Variants in ZBTB20 observed in about 807,000 individuals in gnomAD.
ZBTB20 encodes zinc finger and BTB domain containing 20, also known as zinc finger and BTB domain-containing protein 20.
In ZBTB20, 9 loss-of-function variants were observed where a neutral mutation model predicts 56.9. The observed-to-expected ratio is 0.16, with a 90% confidence interval of 0.10 to 0.28. The LOEUF (loss-of-function observed/expected upper bound fraction) is 0.28, where lower values mean the gene tolerates loss of function less well. Among genes scored for constraint, ZBTB20 ranks in the 10% least tolerant of loss-of-function variants. The pLI is 1.00. For missense variants in ZBTB20, 655 were observed against 1,003.0 expected (o/e 0.65, Z 4.69); for synonymous variants, 417 against 420.7 (o/e 0.99, Z 0.11).
At chr3:114,918,349 T>G (rs2075827776) in intron 3 of ZBTB20, among the ~76,000 whole-genome samples, 1 of 152,082 alleles carries the variant, frequency 6.6e-6, no homozygotes, top group Non-Finnish European at 1.5e-5. Context: ...CTTCCTGCTC[T>G]ACAACACTAT....
intron 6 of ZBTB20, among the ~76,000 whole-genome samples, chr3:114,572,931 A>G (rs992409108): frequency 6.6e-6 from 1 of 152,228 alleles, no homozygotes; most frequent in Non-Finnish European, 1.5e-5. Context: ...ATTCCACCCA[A>G]TAAAAGTGGT....
intron 5 of ZBTB20, among the ~76,000 whole-genome samples, chr3:114,727,805 C>G (rs1165664304): frequency 1.3e-5 from 2 of 151,954 alleles, no homozygotes; most frequent in East Asian, 3.8e-4. Context: ...TTTATCTTTC[C>G]TTAAAATAAG....
chr3:114,552,385 A>C (rs1463666311), intron 6 of ZBTB20, among the ~76,000 whole-genome samples: 1 of 152,142 alleles, frequency 6.6e-6, no homozygotes, highest in Non-Finnish European at 1.5e-5. Flanking sequence ...TCACAAAATC[A>C]AGGACAGTGA....
At chr3:115,002,834 A>T (rs904581894) in intron 2 of ZBTB20, among the ~76,000 whole-genome samples, 1 of 151,680 alleles carries the variant, frequency 6.6e-6, no homozygotes, top group African/African-American at 2.4e-5. Context: ...ATTGAAAATT[A>T]TGTTCCACAA....
chr3:114,478,310 A>G (rs983601239), intron 7 of ZBTB20, among the ~76,000 whole-genome samples: 2 of 152,186 alleles, frequency 1.3e-5, no homozygotes, highest in African/African-American at 4.8e-5. Context: ...GGCAGATATG[A>G]ATTTTGGACA....
intron 2 of ZBTB20, among the ~76,000 whole-genome samples, chr3:115,045,128 C>A (rs1576639245): frequency 6.6e-6 from 1 of 152,176 alleles, no homozygotes; most frequent in African/African-American, 2.4e-5. Flanking sequence ...ATGCCATACA[C>A]AGGACCACAA....
intron 5 of ZBTB20, among the ~76,000 whole-genome samples, chr3:114,741,818 T>G (rs1051698878): frequency 6.7e-6 from 1 of 149,514 alleles, no homozygotes; most frequent in African/African-American, 2.5e-5. Flanking sequence ...GAGGCGGAGG[T>G]TGCAGCAAGC....
At chr3:114,993,639 T>TA (rs775563992) in intron 2 of ZBTB20, among the ~76,000 whole-genome samples, 5 of 151,652 alleles carry the variant, frequency 3.3e-5, no homozygotes, top group African/African-American at 1.2e-4. Flanking sequence ...ATTTAGAAAC[T>TA]AAAAAAACAT....
intron 4 of ZBTB20, among the ~76,000 whole-genome samples, chr3:114,823,652 C>T (rs546394359): frequency 1.3e-5 from 2 of 152,090 alleles, no homozygotes; most frequent in South Asian, 4.1e-4. Flanking sequence ...GATGCAAAAA[C>T]ATAGCGTGAA....
intron 3 of ZBTB20, among the ~76,000 whole-genome samples, chr3:114,928,579 G>A (rs1002220781): frequency 1.3e-5 from 2 of 152,142 alleles, no homozygotes; most frequent in Admixed American, 6.5e-5. Context: ...TGCCTTTCAC[G>A]CAAGTGCAAA....
chr3:115,108,361 A>G (rs2083782671), intron 1 of ZBTB20, among the ~76,000 whole-genome samples: 1 of 152,186 alleles, frequency 6.6e-6, no homozygotes, highest in Non-Finnish European at 1.5e-5. Flanking sequence ...CTGGAGTCAG[A>G]GAGTGAGGCA....
At chr3:114,821,214 C>T (rs948547484) in intron 4 of ZBTB20, among the ~76,000 whole-genome samples, 6 of 152,122 alleles carry the variant, frequency 3.9e-5, no homozygotes, top group East Asian at 1.9e-4. Flanking sequence ...CCCCTCCAAA[C>T]GTCTGCAGTC....
intron 10 of ZBTB20, among the ~76,000 whole-genome samples, chr3:114,375,641 GC>G (rs1180735640): frequency 6.6e-6 from 1 of 152,178 alleles, no homozygotes; most frequent in Non-Finnish European, 1.5e-5. Flanking sequence ...CTCTAAGATG[GC>G]CAGAAACCTT....
At chr3:114,893,769 C>A (rs569961332) in intron 4 of ZBTB20, among the ~76,000 whole-genome samples, 1 of 151,992 alleles carries the variant, frequency 6.6e-6, no homozygotes, top group South Asian at 2.1e-4. Flanking sequence ...GTAGAAAGCA[C>A]AAGTGCTGAG....
chr3:114,400,451 G>T (rs1179998899), intron 7 of ZBTB20, among the ~76,000 whole-genome samples: 1 of 152,090 alleles, frequency 6.6e-6, no homozygotes, highest in Non-Finnish European at 1.5e-5. Flanking sequence ...ATGTGTGTGG[G>T]AACTGACAGC....
intron 3 of ZBTB20, among the ~76,000 whole-genome samples, chr3:114,922,146 A>G (rs955948029): frequency 6.6e-6 from 1 of 152,204 alleles, no homozygotes; most frequent in Non-Finnish European, 1.5e-5. Context: ...CTTGATAAAA[A>G]GCCTCAACAA....
chr3:114,763,810 T>G (rs2068601705), intron 5 of ZBTB20, among the ~76,000 whole-genome samples: 1 of 152,100 alleles, frequency 6.6e-6, no homozygotes, highest in Non-Finnish European at 1.5e-5. Flanking sequence ...TTGTACCCCA[T>G]AAAAATACAT....
chr3:114,727,605 C>G (rs2065403523), intron 5 of ZBTB20, among the ~76,000 whole-genome samples: 1 of 152,126 alleles, frequency 6.6e-6, no homozygotes, highest in South Asian at 2.1e-4. Flanking sequence ...CTCTGAGAGA[C>G]TATTTTCTCA....
intron 5 of ZBTB20, among the ~76,000 whole-genome samples, chr3:114,712,611 C>A (rs1340049695): frequency 1.3e-5 from 2 of 150,982 alleles, no homozygotes; most frequent in Non-Finnish European, 2.9e-5. Flanking sequence ...CGAGATCGTG[C>A]CATTGCACTC....
Sources: allele counts gnomAD v4.1 joint callset (sites outside exome capture counted in the v4.1 genomes callset), GRCh38; gene constraint gnomAD v4.1.1; transcripts MANE v1.5; gene names NCBI Gene and HGNC (gene_info 2026-07-23, HGNC 2026-07-21).